EPHA3: variants seen among roughly 807,000 people sequenced by gnomAD.
EPHA3 encodes the protein EPH receptor A3, also known as ephrin type-A receptor 3.
Under a neutral mutation model 107.1 loss-of-function variants are expected in EPHA3, and 42 were observed. That is an observed-to-expected ratio of 0.39 (90% CI 0.31 to 0.51). EPHA3 has a LOEUF of 0.51. Ranked by LOEUF, EPHA3 falls within the 20% of genes least tolerant of loss-of-function variation. The pLI is 0.78. For synonymous variants in EPHA3, 461 were observed against 424.8 expected (o/e 1.09, Z -1.05); for missense variants, 1,183 against 1,211.2 (o/e 0.98, Z 0.35).
Position 89,395,964 on chromosome 3 carries a change from G to T in EPHA3, c.1431+3G>T, listed in dbSNP as rs1708842676. On this transcript the variant is annotated splice_donor_region_variant and intron_variant, in intron 6 of 16. Coordinates refer to ENST00000336596, the MANE Select transcript of EPHA3 (RefSeq NM_005233.6). The stretch of plus-strand genomic sequence containing the variant: ...ACGAGGTCAAATACTATGAAAAGGT[G>T]GGGAAACAATGTTTAAGGGTTGGGC... 6.2e-7 allele frequency: 1 copy of T among 1,613,670 alleles called. No individual in the cohort carries two copies. Among genetic ancestry groups the T allele is most frequent in the Admixed American group, 1.7e-5 (1 of 59,984 alleles).
intron 3 of EPHA3, among the ~76,000 whole-genome samples, chr3:89,328,796 AT>A (rs1707227983): frequency 6.6e-6 from 1 of 152,210 alleles, no homozygotes; most frequent in South Asian, 2.1e-4. Context: ...TGAATATGGA[AT>A]TAAAACACAG....
chr3:89,159,340 A>T (rs1704872161), intron 2 of EPHA3, among the ~76,000 whole-genome samples: 2 of 152,102 alleles, frequency 1.3e-5, no homozygotes, highest in African/African-American at 4.8e-5. Context: ...AAATTTACTG[A>T]AAAGAGTATT....
At chr3:89,296,444 G>C (rs1037290767) in intron 3 of EPHA3, among the ~76,000 whole-genome samples, 2 of 152,164 alleles carry the variant, frequency 1.3e-5, no homozygotes, top group Non-Finnish European at 2.9e-5. Context: ...GTGACTAGGT[G>C]CATTGTCAAT....
intron 5 of EPHA3, among the ~76,000 whole-genome samples, chr3:89,391,814 T>C (rs1708749925): frequency 6.6e-6 from 1 of 152,166 alleles, no homozygotes; most frequent in Admixed American, 6.5e-5. Flanking sequence ...CCTTTCTTTA[T>C]AGTTTTACAA....
At chr3:89,239,291 G>T (rs1455532667) in intron 3 of EPHA3, among the ~76,000 whole-genome samples, 1 of 152,090 alleles carries the variant, frequency 6.6e-6, no homozygotes, top group Non-Finnish European at 1.5e-5. Context: ...ATAAAATGAG[G>T]ATAAAGCAAC....
intron 2 of EPHA3, among the ~76,000 whole-genome samples, chr3:89,138,737 T>G (rs1328762518): frequency 6.6e-6 from 1 of 151,922 alleles, no homozygotes; most frequent in African/African-American, 2.4e-5. Flanking sequence ...GTTATATATC[T>G]TGAGGATTTA....
chr3:89,351,202 G>A lies in EPHA3; in HGVS notation c.1306+9112G>A, dbSNP rs1227858631. ...TAAGCAAGCCTGGGCAATGGCGGGC[G>A]CCCCTCCCCCAGCCTCGCTGCTGCC... On this transcript the variant is annotated intron_variant, in intron 5 of 16. Coordinates refer to ENST00000336596, the MANE Select transcript of EPHA3 (RefSeq NM_005233.6). 2.6e-5 allele frequency among the ~76,000 whole-genome samples: 4 copies of A among 151,168 alleles called. 1 individual carries two copies. Among genetic ancestry groups the A allele is most frequent in the Admixed American group, 1.3e-4 (2 of 15,160 alleles).
intron 5 of EPHA3, among the ~76,000 whole-genome samples, chr3:89,361,847 C>G (rs544186853): frequency 1.3e-5 from 2 of 151,206 alleles, no homozygotes; most frequent in East Asian, 2.0e-4. Context: ...ATAATTCCCT[C>G]TTTGTTACTT....
At chr3:89,208,717 A>G (rs1323259899) in intron 2 of EPHA3, among the ~76,000 whole-genome samples, 1 of 152,132 alleles carries the variant, frequency 6.6e-6, no homozygotes, top group Non-Finnish European at 1.5e-5. Flanking sequence ...ATTGACAATA[A>G]TATAATATGT....
intron 2 of EPHA3, among the ~76,000 whole-genome samples, chr3:89,142,836 G>T (rs551524092): frequency 1.5e-4 from 22 of 151,414 alleles, no homozygotes; most frequent in African/African-American, 5.1e-4. Context: ...ATAGCCTCAC[G>T]CAGTAGAGAT....
At chr3:89,314,918 C>T (rs1040294015) in intron 3 of EPHA3, among the ~76,000 whole-genome samples, 3 of 151,900 alleles carry the variant, frequency 2.0e-5, no homozygotes, top group African/African-American at 7.2e-5. Context: ...TTACACAAAC[C>T]TAGATAGTAT....
At chr3:89,159,311 G>A (rs1704870840) in intron 2 of EPHA3, among the ~76,000 whole-genome samples, 1 of 152,098 alleles carries the variant, frequency 6.6e-6, no homozygotes. Flanking sequence ...ACCTGCTGAA[G>A]CTGATTTAGT....
At chr3:89,284,875 C>T (rs564993791) in intron 3 of EPHA3, among the ~76,000 whole-genome samples, 49 of 152,254 alleles carry the variant, frequency 3.2e-4, no homozygotes, top group Non-Finnish European at 5.4e-4. Context: ...GCCTGTAATT[C>T]CAGCACTTTG....
At chr3:89,362,891 T>G (rs1346865290) in intron 5 of EPHA3, among the ~76,000 whole-genome samples, 1 of 151,052 alleles carries the variant, frequency 6.6e-6, no homozygotes, top group Non-Finnish European at 1.5e-5. Flanking sequence ...TAACTCAAAC[T>G]AAGATTATAG....
chr3:89,263,661 C>A (rs571048354), intron 3 of EPHA3, among the ~76,000 whole-genome samples: 1 of 152,034 alleles, frequency 6.6e-6, no homozygotes. Context: ...CAGCCATAGT[C>A]CCCAATGTCC....
rs548161135 is a variant in EPHA3 at position 89,240,764 on chromosome 3, G to T, written c.814+30244G>T. On this transcript the variant is annotated intron_variant, in intron 3 of 16. Coordinates refer to ENST00000336596, the MANE Select transcript of EPHA3 (RefSeq NM_005233.6). ...ATAATATTAAAGCAGAAGAAATTATGGACAATTTGTTACCAATAAAAATAA... is the reference window on the plus strand; with the variant it reads ...ATAATATTAAAGCAGAAGAAATTATTGACAATTTGTTACCAATAAAAATAA... Among the ~76,000 whole-genome samples the T allele has an allele frequency of 2.0e-5, 3 of 151,892 alleles. No homozygotes were observed. In the East Asian group the frequency reaches 5.8e-4, roughly 29 times the overall value.
chr3:89,328,319 G>A (rs1188301729), intron 3 of EPHA3, among the ~76,000 whole-genome samples: 2 of 151,994 alleles, frequency 1.3e-5, no homozygotes, highest in Non-Finnish European at 2.9e-5. Context: ...AAATAATTCA[G>A]CCCACAAATA....
At chr3:89,200,756 C>A (rs922453797) in intron 2 of EPHA3, among the ~76,000 whole-genome samples, 13 of 152,160 alleles carry the variant, frequency 8.5e-5, no homozygotes, top group Admixed American at 3.9e-4. Flanking sequence ...GTGTTCACAT[C>A]GTCCCCATGG....
chr3:89,165,233 C>T (rs533945067), intron 2 of EPHA3, among the ~76,000 whole-genome samples: 1 of 152,254 alleles, frequency 6.6e-6, no homozygotes, highest in African/African-American at 2.4e-5. Context: ...TGAATGAGAA[C>T]ACAAAGAACT....
Sources: gnomAD v4.1 joint callset for allele counts (sites outside exome capture counted in the v4.1 genomes callset) on GRCh38, gnomAD v4.1.1 for gene constraint, MANE v1.5 for transcripts, NCBI Gene and HGNC (gene_info 2026-07-23, HGNC 2026-07-21) for gene names.